Variants in ARHGAP6 observed in about 807,000 individuals in gnomAD.
The protein encoded by ARHGAP6 is rho GTPase-activating protein 6.
ARHGAP6 carries 16 observed loss-of-function variants against 55.7 expected under a neutral mutation model. The ratio of observed to expected loss-of-function variants is 0.29; its 90% CI spans 0.19 to 0.44. The LOEUF is 0.44. ARHGAP6 is among the 20% of genes least tolerant of loss of function. ARHGAP6 has a pLI of 1.00. For missense variants in ARHGAP6, 698 were observed against 808.9 expected (o/e 0.86, Z 1.66); for synonymous variants, 382 against 360.9 (o/e 1.06, Z -0.66).
At chrX:11,360,351 T>C (rs1357958675) in intron 1 of ARHGAP6, among the ~76,000 whole-genome samples, 3 of 110,879 alleles carry the variant, frequency 2.7e-5, no homozygotes, top group Non-Finnish European at 3.8e-5. Context: ...GCTGGTTCAA[T>C]ATATGCAAAT....
intron 1 of ARHGAP6, among the ~76,000 whole-genome samples, chrX:11,469,981 A>G (rs2050332103): frequency 9.0e-6 from 1 of 111,431 alleles, no homozygotes; most frequent in African/African-American, 3.3e-5. Flanking sequence ...ACCATGATGA[A>G]TAGAACATCA....
chrX:11,524,494 C>A lies in ARHGAP6; in HGVS notation c.588+139747G>T, dbSNP rs1275175757. 3.6e-5 allele frequency among the ~76,000 whole-genome samples: 4 copies of A among 111,906 alleles called. No homozygotes were observed. The East Asian group carries it at 1.1e-3, about 31-fold the overall frequency. On this transcript the variant is annotated intron_variant, in intron 1 of 12. Coordinates refer to ENST00000337414, the MANE Select transcript of ARHGAP6 (RefSeq NM_013427.3). The stretch of plus-strand genomic sequence containing the variant: ...CCCACCCTGGTCTAGCTTGAACTAC[C>A]CTAGATTGTTATGGATGCAAAAATT...
chrX:11,398,266 A>T (rs2049504180), intron 1 of ARHGAP6, among the ~76,000 whole-genome samples: 1 of 109,377 alleles, frequency 9.1e-6, no homozygotes, highest in African/African-American at 3.3e-5. Context: ...GTGCTATAAA[A>T]AAAAAAAAAA....
chrX:11,220,380 A>G (rs1207750408), intron 2 of ARHGAP6, among the ~76,000 whole-genome samples: 11 of 111,397 alleles, frequency 9.9e-5, no homozygotes, highest in African/African-American at 3.3e-4. Flanking sequence ...GGCAGCCAGA[A>G]AGAAAGGTCG....
At chrX:11,286,464 A>T (rs141070676) in intron 1 of ARHGAP6, among the ~76,000 whole-genome samples, 1,751 of 111,293 alleles carry the variant, frequency 0.016, 34 homozygotes, top group African/African-American at 0.054. Context: ...CAAACTTTGG[A>T]CCTTCACAGA....
chrX:11,638,265 G>T (rs2052438730), intron 1 of ARHGAP6, among the ~76,000 whole-genome samples: 1 of 112,126 alleles, frequency 8.9e-6, no homozygotes, highest in Admixed American at 9.5e-5. Context: ...AAAAGAACAA[G>T]GGTAACGCTG....
At chrX:11,244,134 C>A (rs2047322443) in intron 2 of ARHGAP6, among the ~76,000 whole-genome samples, 1 of 111,969 alleles carries the variant, frequency 8.9e-6, no homozygotes, top group South Asian at 3.7e-4. Context: ...TTGAAATGAA[C>A]AGGAATAGTA....
intron 9 of ARHGAP6, among the ~76,000 whole-genome samples, chrX:11,158,375 G>C (rs1016901281): frequency 1.2e-4 from 13 of 111,828 alleles, no homozygotes; most frequent in Admixed American, 1.1e-3. Context: ...AGAGATAAAA[G>C]GGATGTCTTG....
intron 1 of ARHGAP6, among the ~76,000 whole-genome samples, chrX:11,311,908 T>G (rs1163214887): frequency 1.8e-5 from 2 of 111,555 alleles, no homozygotes; most frequent in Non-Finnish European, 3.8e-5. Context: ...ATTCAGCGAC[T>G]CTGAAAATTT....
At chrX:11,475,855 G>C (rs1337251073) in intron 1 of ARHGAP6, among the ~76,000 whole-genome samples, 1 of 108,622 alleles carries the variant, frequency 9.2e-6, no homozygotes, top group Non-Finnish European at 1.9e-5. Context: ...TGAAGGACTT[G>C]TATTTAGATT....
intron 1 of ARHGAP6, among the ~76,000 whole-genome samples, chrX:11,362,987 ACT>A (rs978024921): frequency 3.6e-4 from 40 of 112,331 alleles, no homozygotes; most frequent in Admixed American, 7.5e-4. Flanking sequence ...TATAAAAAGC[ACT>A]GTTTCCTTCT....
intron 1 of ARHGAP6, among the ~76,000 whole-genome samples, chrX:11,426,076 G>A (rs1023254692): frequency 8.9e-6 from 1 of 112,592 alleles, no homozygotes. Flanking sequence ...TAACTTACAA[G>A]TATCTCATTT....
chrX:11,395,128 T>A (rs989900826), intron 1 of ARHGAP6, among the ~76,000 whole-genome samples: 3 of 111,944 alleles, frequency 2.7e-5, no homozygotes, highest in Non-Finnish European at 5.6e-5. Context: ...ACTCTCATTT[T>A]ATTCTACATG....
chrX:11,346,922 A>AAAACAAAC lies in ARHGAP6; in HGVS notation c.589-92223_589-92216dup, dbSNP rs762899705. ...CAAATATTGTCACCTTTTCTCTTGA[A>AAAACAAAC]AAACAAACAAACAAACAAACAAACA... On this transcript the variant is annotated intron_variant, in intron 1 of 12. Transcript: ENST00000337414. Among the ~76,000 whole-genome samples the AAAACAAAC allele has an allele frequency of 7.6e-3, 827 of 108,349 alleles. 4 individuals are homozygous for AAAACAAAC. Among genetic ancestry groups the AAAACAAAC allele is most frequent in the South Asian group, 0.033 (82 of 2,519 alleles). The allele number at this position is 108,349 out of a possible 115,157, so 94.1% of individuals were successfully genotyped here.
chrX:11,225,852 C>G (rs1218884641), intron 2 of ARHGAP6: 2 of 241,426 alleles, frequency 8.3e-6, no homozygotes, highest in East Asian at 1.4e-4. Context: ...TATGGAAAGA[C>G]CTTTTTTTTT....
intron 1 of ARHGAP6, among the ~76,000 whole-genome samples, chrX:11,567,657 T>C (rs760961495): frequency 9.3e-6 from 1 of 107,891 alleles, no homozygotes; most frequent in Admixed American, 9.9e-5. Flanking sequence ...AACCAGCTGC[T>C]TGTTTTCTTT....
At chrX:11,224,705 A>G (rs1400194495) in intron 2 of ARHGAP6, among the ~76,000 whole-genome samples, 1 of 109,848 alleles carries the variant, frequency 9.1e-6, no homozygotes, top group Non-Finnish European at 1.9e-5. Context: ...TTCAGCTGGG[A>G]CTGAGTTACC....
chrX:11,208,109 A>C (rs2046734681), intron 2 of ARHGAP6, among the ~76,000 whole-genome samples: 1 of 111,864 alleles, frequency 8.9e-6, no homozygotes, highest in African/African-American at 3.3e-5. Context: ...CCTTTCATTA[A>C]GAAACAGGGA....
chrX:11,266,225 G>T (rs1017539523), intron 1 of ARHGAP6, among the ~76,000 whole-genome samples: 4 of 110,709 alleles, frequency 3.6e-5, no homozygotes, highest in Non-Finnish European at 7.6e-5. Context: ...TTTCCACAGG[G>T]ATCTACAAAC....
Sources: allele counts gnomAD v4.1 joint callset (sites outside exome capture counted in the v4.1 genomes callset), GRCh38; gene constraint gnomAD v4.1.1; transcripts MANE v1.5; gene names NCBI Gene and HGNC (gene_info 2026-07-23, HGNC 2026-07-21).